The following CPEB3 variants were observed in gnomAD, a reference collection of about 807,000 sequenced individuals.
CPEB3 encodes cytoplasmic polyadenylation element-binding protein 3.
A neutral mutation model predicts 67.2 loss-of-function variants in CPEB3; 20 were observed. That is an observed-to-expected ratio of 0.30 (90% CI 0.21 to 0.43). CPEB3 has a LOEUF of 0.43. Among genes scored for constraint, CPEB3 ranks in the 20% least tolerant of loss-of-function variants. CPEB3 has a pLI of 1.00. For synonymous variants in CPEB3, 376 were observed against 393.1 expected (o/e 0.96, Z 0.51); for missense variants, 746 against 968.6 (o/e 0.77, Z 3.05).
intron 8 of CPEB3, among the ~76,000 whole-genome samples, chr10:92,089,439 A>G (rs887150811): frequency 2.6e-5 from 4 of 152,216 alleles, no homozygotes; most frequent in Admixed American, 1.3e-4. Context: ...TACTATCCAC[A>G]TAACTATAAA....
At chr10:92,144,854 G>A (rs1846603544) in intron 5 of CPEB3, 91 bp downstream of exon 5, 4 of 1,144,624 alleles carry the variant, frequency 3.5e-6, no homozygotes, top group South Asian at 2.7e-5. Context: ...AGATATAGAT[G>A]TCCTAAAGTT....
At chr10:92,271,068 A>T (rs1444910179) in intron 1 of CPEB3, among the ~76,000 whole-genome samples, 1 of 152,046 alleles carries the variant, frequency 6.6e-6, no homozygotes, top group Admixed American at 6.6e-5. Flanking sequence ...TCCCAGCCCC[A>T]GTCACTCAGG....
intron 1 of CPEB3, among the ~76,000 whole-genome samples, chr10:92,242,895 A>G (rs1185620075): frequency 6.6e-6 from 1 of 152,236 alleles, no homozygotes; most frequent in Non-Finnish European, 1.5e-5. Flanking sequence ...CACCTTTAAT[A>G]AATAAGACCT....
chr10:92,264,801 C>T (rs1283532684), intron 1 of CPEB3, among the ~76,000 whole-genome samples: 2 of 151,964 alleles, frequency 1.3e-5, no homozygotes, highest in Non-Finnish European at 2.9e-5. Flanking sequence ...CCTGTAATCC[C>T]AACACAATGG....
chr10:92,098,630 G>A (rs1157330165), intron 7 of CPEB3, among the ~76,000 whole-genome samples: 3 of 152,054 alleles, frequency 2.0e-5, no homozygotes, highest in South Asian at 2.1e-4. Flanking sequence ...TGAAAAGTTC[G>A]CTTCTATAGA....
intron 2 of CPEB3, among the ~76,000 whole-genome samples, chr10:92,202,233 T>C (rs561591137): frequency 2.3e-4 from 35 of 152,130 alleles, no homozygotes; most frequent in Middle Eastern, 3.4e-3. Context: ...AAACATATAC[T>C]TAAGCACACA....
chr10:92,120,197 G>T (rs1845288608), intron 6 of CPEB3, among the ~76,000 whole-genome samples: 1 of 151,702 alleles, frequency 6.6e-6, no homozygotes, highest in African/African-American at 2.4e-5. Flanking sequence ...AGATCACGAG[G>T]TCAGGAGATT....
intron 4 of CPEB3, among the ~76,000 whole-genome samples, chr10:92,162,208 G>A (rs574728543): frequency 1.3e-5 from 2 of 151,570 alleles, no homozygotes; most frequent in South Asian, 2.1e-4. Context: ...GAGCCCATAC[G>A]AATTACCTCT....
intron 2 of CPEB3, among the ~76,000 whole-genome samples, chr10:92,212,277 C>G (rs971593995): frequency 1.4e-5 from 2 of 144,492 alleles, no homozygotes; most frequent in African/African-American, 2.6e-5. Flanking sequence ...AGTGGTACAA[C>G]AAGACAGTGT....
intron 2 of CPEB3, among the ~76,000 whole-genome samples, chr10:92,220,340 C>T (rs1850632352): frequency 6.6e-6 from 1 of 152,098 alleles, no homozygotes; most frequent in Non-Finnish European, 1.5e-5. Flanking sequence ...GGCAAATATT[C>T]AAAATAATGT....
chr10:92,269,363 AC>A (rs1404227255), intron 1 of CPEB3, among the ~76,000 whole-genome samples: 1 of 152,196 alleles, frequency 6.6e-6, no homozygotes, highest in African/African-American at 2.4e-5. Flanking sequence ...TAATTAGCAT[AC>A]CAATTAGTAT....
Position 92,239,313 on chromosome 10 carries a change from G to C in CPEB3, c.1005+33C>G. 6.3e-7 allele frequency: 1 copy of C among 1,588,188 alleles called. No individual in the cohort carries two copies. The highest frequency in any genetic ancestry group is 8.6e-7 in the Non-Finnish European group (1 of 1,166,518). On this transcript the variant is annotated intron_variant, in intron 2 of 9. Coordinates refer to ENST00000265997, the MANE Select transcript of CPEB3 (RefSeq NM_014912.5). This position sits in a 1 kb window ranked among gnomAD's most constrained non-coding sequence, Gnocchi z 6.0. ...GAAGTGGCAAAAGGAGCGGGGCAGAGGGAAGGAGTGTGTAGGTGCAGCAGA... is the reference window on the plus strand; with the variant it reads ...GAAGTGGCAAAAGGAGCGGGGCAGACGGAAGGAGTGTGTAGGTGCAGCAGA...
chr10:92,192,677 T>C, intron 2 of CPEB3, 41 bp from the exon 3 acceptor site: 1 of 1,472,630 alleles, frequency 6.8e-7, no homozygotes, highest in Non-Finnish European at 9.2e-7. Flanking sequence ...ATAAAATTAC[T>C]TCATAAAATT....
At position 92,066,192 on chromosome 10, in the gene CPEB3, T is replaced by C. The variant is rs145162366; in HGVS notation, c.1870-13753A>G. ...TAATAATGTATCAAAGTTCTCCTTT[T>C]TAAAAAATATACTATGCAATGGCTA... On this transcript the variant is annotated intron_variant, in intron 9 of 9. Transcript: ENST00000265997. Among the ~76,000 whole-genome samples the C allele has an allele frequency of 1.1e-3, 173 of 152,284 alleles. 1 individual carries two copies. Among genetic ancestry groups the C allele is most frequent in the African/African-American group, 3.9e-3 (163 of 41,554 alleles).
At chr10:92,247,934 A>T (rs916459373) in intron 1 of CPEB3, among the ~76,000 whole-genome samples, 3 of 151,772 alleles carry the variant, frequency 2.0e-5, no homozygotes, top group Non-Finnish European at 4.4e-5. Context: ...TTGCTCTGTC[A>T]TCTAGGCTGG....
At chr10:92,210,999 G>T (rs1228131230) in intron 2 of CPEB3, among the ~76,000 whole-genome samples, 2 of 152,180 alleles carry the variant, frequency 1.3e-5, no homozygotes, top group African/African-American at 4.8e-5. Flanking sequence ...GCAGTGAGCT[G>T]AGATCACATC....
intron 2 of CPEB3, among the ~76,000 whole-genome samples, chr10:92,198,730 A>G (rs1272934177): frequency 2.0e-5 from 3 of 152,218 alleles, no homozygotes; most frequent in African/African-American, 7.2e-5. Context: ...TCTCCATTTC[A>G]CTGAGGAAAA....
intron 4 of CPEB3, among the ~76,000 whole-genome samples, chr10:92,162,276 C>A (rs1414495826): frequency 6.6e-6 from 1 of 151,818 alleles, no homozygotes; most frequent in African/African-American, 2.4e-5. Flanking sequence ...CAGAGAGGAG[C>A]CTAAGGGTTT....
rs571367635 is a variant in CPEB3, at chr10:92,256,189, T to G, written c.-11-15828A>C. ...TCCTAAATTTCTGACTGACATCCTA[T>G]CGTCTCCATTCACAACCAGTATAAT... is the stretch of plus-strand genomic sequence containing the variant. On this transcript the variant is annotated intron_variant, in intron 1 of 9. Coordinates refer to ENST00000265997, the MANE Select transcript of CPEB3 (RefSeq NM_014912.5). Among the ~76,000 whole-genome samples the G allele has an allele frequency of 3.9e-5, 6 of 152,194 alleles. No individual in the cohort carries two copies. The South Asian group carries it at 1.2e-3, about 32-fold the overall frequency.
Sources: gnomAD v4.1 joint callset for allele counts (sites outside exome capture counted in the v4.1 genomes callset) on GRCh38, gnomAD v4.1.1 for gene constraint, Gnocchi (gnomAD v3.1) non-coding constraint, MANE v1.5 for transcripts, NCBI Gene and HGNC (gene_info 2026-07-23, HGNC 2026-07-21) for gene names.